The following FAM135A variants were observed in gnomAD, a reference collection of about 807,000 sequenced individuals.
FAM135A encodes family with sequence similarity 135 member A, also known as protein FAM135A.
Under a neutral mutation model 146.8 loss-of-function variants are expected in FAM135A, and 79 were observed. The observed-to-expected ratio is 0.54, with a 90% confidence interval of 0.45 to 0.65. The LOEUF (loss-of-function observed/expected upper bound fraction) is 0.65, where lower values mean the gene tolerates loss of function less well. Among genes scored for constraint, FAM135A ranks in the 30% least tolerant of loss-of-function variants. FAM135A has a pLI of 0.00. For synonymous variants in FAM135A, 562 were observed against 603.6 expected (o/e 0.93, Z 1.01); for missense variants, 1,623 against 1,758.2 (o/e 0.92, Z 1.38).
chr6:70,501,904 T>C (rs1402570757), intron 11 of FAM135A, among the ~76,000 whole-genome samples: 1 of 152,214 alleles, frequency 6.6e-6, no homozygotes, highest in African/African-American at 2.4e-5. Flanking sequence ...GCTGTTCCTA[T>C]TCGGCCATCT....
chr6:70,488,895 A>G (rs1785265210), intron 10 of FAM135A, among the ~76,000 whole-genome samples: 1 of 152,192 alleles, frequency 6.6e-6, no homozygotes, highest in Non-Finnish European at 1.5e-5. Flanking sequence ...AAGAAAAAAT[A>G]ATTAAAATAG....
At chr6:70,537,038 C>T (rs1183000080) in intron 19 of FAM135A, among the ~76,000 whole-genome samples, 1 of 150,918 alleles carries the variant, frequency 6.6e-6, no homozygotes, top group African/African-American at 2.4e-5. Context: ...CTGGTTCAAG[C>T]GATTCTCCTG....
chr6:70,529,586 C>A (rs1338640239), intron 16 of FAM135A, among the ~76,000 whole-genome samples: 1 of 151,952 alleles, frequency 6.6e-6, no homozygotes, highest in Non-Finnish European at 1.5e-5. Context: ...CTGGCAAATT[C>A]TTTTTTAAAA....
intron 2 of FAM135A, among the ~76,000 whole-genome samples, chr6:70,421,629 C>T (rs1346366582): frequency 1.3e-5 from 2 of 152,126 alleles, no homozygotes; most frequent in East Asian, 1.9e-4. Context: ...TGTTTGGGAT[C>T]CCCCTCTAGC....
At chr6:70,413,788 A>G (rs1766804253) in intron 1 of FAM135A, 86 bp downstream of exon 1, 2 of 984,966 alleles carry the variant, frequency 2.0e-6, no homozygotes, top group South Asian at 4.7e-5. Flanking sequence ...GGGGCCAGGA[A>G]GGAAGCGGCC....
At chr6:70,500,505 G>A (rs1019047663) in intron 11 of FAM135A, among the ~76,000 whole-genome samples, 11 of 152,150 alleles carry the variant, frequency 7.2e-5, no homozygotes, top group Admixed American at 4.6e-4. Context: ...CTCACTCTCC[G>A]TCCAGTTTTG....
chr6:70,547,285 G>T (rs1337057105), intron 20 of FAM135A, among the ~76,000 whole-genome samples: 2 of 152,022 alleles, frequency 1.3e-5, no homozygotes, highest in Non-Finnish European at 2.9e-5. Context: ...CTGAAAGTGC[G>T]GGAAAGAACC....
chr6:70,453,404 A>G (rs192224810), intron 5 of FAM135A, among the ~76,000 whole-genome samples: 2 of 152,060 alleles, frequency 1.3e-5, no homozygotes, highest in East Asian at 3.9e-4. Context: ...TTAATGTTAA[A>G]TTTTTTATTT....
intron 2 of FAM135A, among the ~76,000 whole-genome samples, chr6:70,418,889 C>T (rs1051996565): frequency 2.9e-4 from 44 of 152,158 alleles, no homozygotes; most frequent in African/African-American, 9.4e-4. Flanking sequence ...TGATTGTTTG[C>T]AGTTTACTGC....
intron 12 of FAM135A, among the ~76,000 whole-genome samples, chr6:70,521,793 AAT>A (rs1465919187): frequency 1.3e-5 from 2 of 152,222 alleles, no homozygotes; most frequent in Non-Finnish European, 2.9e-5. Flanking sequence ...TTAAAATACA[AAT>A]ATAATGGAAG....
intron 20 of FAM135A, among the ~76,000 whole-genome samples, chr6:70,545,198 T>C (rs1043509606): frequency 1.3e-5 from 2 of 152,222 alleles, no homozygotes; most frequent in African/African-American, 4.8e-5. Context: ...TTACTAGCTA[T>C]AAAAATTATT....
chr6:70,433,197 TCCGAGTAGCTGGGA>T (rs1409288497), intron 4 of FAM135A, among the ~76,000 whole-genome samples: 1 of 151,766 alleles, frequency 6.6e-6, no homozygotes, highest in African/African-American at 2.4e-5. Flanking sequence ...GCCTCAGCCT[TCCGAGTAGCTGGGA>T]CTACAGGCGC....
Position 70,543,699 on chromosome 6 carries a change from T to C in FAM135A, c.4228+5298T>C, listed in dbSNP as rs533518137. Among the ~76,000 whole-genome samples, 3 of 152,320 alleles carry C rather than the reference T, an allele frequency of 2.0e-5. No individual in the cohort carries two copies. The East Asian group carries it at 5.8e-4, about 29-fold the overall frequency. Reference sequence around the variant, plus strand: ...TACCCTTTGCTGACAGGTTAGGAAATACGTGAAAGGCAAAGCTGAACATAA... The same window carrying C: ...TACCCTTTGCTGACAGGTTAGGAAACACGTGAAAGGCAAAGCTGAACATAA... On this transcript the variant is annotated intron_variant, in intron 20 of 21. Transcript: ENST00000418814.
intron 12 of FAM135A, among the ~76,000 whole-genome samples, chr6:70,520,978 G>A (rs149872118): frequency 1.3e-5 from 2 of 152,308 alleles, no homozygotes; most frequent in African/African-American, 2.4e-5. Context: ...TCAAATCTTC[G>A]TTTGAATCAC....
intron 2 of FAM135A, among the ~76,000 whole-genome samples, chr6:70,418,146 C>G (rs1030458688): frequency 2.2e-4 from 34 of 151,966 alleles, no homozygotes; most frequent in African/African-American, 7.0e-4. Flanking sequence ...TACTTTGTGC[C>G]CTTTAGTGTA....
At chr6:70,414,164 T>C (rs1766964671) in intron 1 of FAM135A, among the ~76,000 whole-genome samples, 1 of 152,204 alleles carries the variant, frequency 6.6e-6, no homozygotes, top group South Asian at 2.1e-4. Context: ...TTCCATCCCT[T>C]GCCTGGCTCT....
At chr6:70,526,935 C>A (rs181729641) in intron 15 of FAM135A, among the ~76,000 whole-genome samples, 1 of 151,996 alleles carries the variant, frequency 6.6e-6, no homozygotes, top group African/African-American at 2.4e-5. Context: ...CTTGGCCAGA[C>A]AGACCTATAG....
intron 20 of FAM135A, among the ~76,000 whole-genome samples, chr6:70,549,685 G>A (rs939982090): frequency 2.0e-4 from 31 of 152,138 alleles, no homozygotes; most frequent in African/African-American, 7.5e-4. Flanking sequence ...TGAGCCTTCA[G>A]TTAATCATAA....
intron 20 of FAM135A, among the ~76,000 whole-genome samples, chr6:70,549,169 A>G (rs80011759): frequency 1.2e-3 from 177 of 152,190 alleles, no homozygotes; most frequent in Non-Finnish European, 2.2e-3. Flanking sequence ...ATCTCACACA[A>G]TGAGGTAAAG....
Sources: allele counts gnomAD v4.1 joint callset (sites outside exome capture counted in the v4.1 genomes callset), GRCh38; gene constraint gnomAD v4.1.1; transcripts MANE v1.5; gene names NCBI Gene and HGNC (gene_info 2026-07-23, HGNC 2026-07-21).